Variants in LRP4 observed in about 807,000 individuals in gnomAD.
The protein encoded by LRP4 is low-density lipoprotein receptor-related protein 4.
A neutral mutation model predicts 220.3 loss-of-function variants in LRP4; 95 were observed. The ratio of observed to expected loss-of-function variants is 0.43; its 90% CI spans 0.37 to 0.51. The LOEUF is 0.51. Among genes scored for constraint, LRP4 ranks in the 20% least tolerant of loss-of-function variants. The pLI is 0.00. For synonymous variants in LRP4, 903 were observed against 954.6 expected, an observed-to-expected ratio of 0.95 and a Z score of 1.00; for missense variants, 1,925 against 2,567.0, an observed-to-expected ratio of 0.75 and a Z score of 5.40.
chr11:46,869,146 G>C lies in LRP4; in HGVS notation c.4693-14C>G, dbSNP rs1414446826. On this transcript the variant is annotated splice_polypyrimidine_tract_variant and intron_variant, in intron 31 of 37. Transcript: ENST00000378623. ...CCACCTGTCTTGCTACTCAACAGGG[G>C]AAGCCCAAAAACAGTAAATATTATT... 1 of 1,613,234 alleles carries C rather than the reference G, an allele frequency of 6.2e-7. No individual in the cohort carries two copies. Among genetic ancestry groups the C allele is most frequent in the Admixed American group, 1.7e-5 (1 of 59,826 alleles).
chr11:46,878,842 G>A, intron 22 of LRP4, 65 bp downstream of exon 22: 1 of 1,607,848 alleles, frequency 6.2e-7, no homozygotes, highest in Non-Finnish European at 8.5e-7. Context: ...CATCTGCAAG[G>A]AAGGAAGAGA....
intron 30 of LRP4, among the ~76,000 whole-genome samples, 171 bp from the exon 31 acceptor site, chr11:46,871,804 G>T (rs1428863038): frequency 1.3e-5 from 2 of 152,146 alleles, no homozygotes; most frequent in African/African-American, 2.4e-5. Flanking sequence ...GAAGGGAGCT[G>T]GTGGTTCATG....
intron 22 of LRP4, among the ~76,000 whole-genome samples, chr11:46,878,480 G>A (rs1025855733): frequency 6.6e-6 from 1 of 151,898 alleles, no homozygotes; most frequent in Non-Finnish European, 1.5e-5. Flanking sequence ...CACCATGTTG[G>A]CCAGGTTGGT....
At chr11:46,876,009 G>T (rs1269632669) in intron 25 of LRP4, 43 bp from the exon 26 acceptor site, 1 of 1,582,086 alleles carries the variant, frequency 6.3e-7, no homozygotes, top group South Asian at 1.1e-5. Flanking sequence ...AGTTATTCCA[G>T]CAGCTACCAC....
Position 46,889,750 on chromosome 11 carries a change from A to C in LRP4, c.2092+194T>G, listed in dbSNP as rs1941380096. ...GAATTAGATGGGAACGGTGAAGTCTAATGAATCTTTTCGTGAATCTTGTTG... is the reference window on the plus strand; with the variant it reads ...GAATTAGATGGGAACGGTGAAGTCTCATGAATCTTTTCGTGAATCTTGTTG... On this transcript the variant is annotated intron_variant, in intron 15 of 37. Coordinates refer to ENST00000378623, the MANE Select transcript of LRP4 (RefSeq NM_002334.4). The C allele has an allele frequency of 3.6e-6, 3 of 838,522 alleles. No homozygotes were observed. In the Admixed American group the frequency reaches 6.3e-5, roughly 18 times the overall value. The allele number at this position is 838,522 out of a possible 1,614,324, so 51.9% of individuals were successfully genotyped here. A position where few individuals can be genotyped will look rare whatever the true frequency, so the allele number is the denominator to read the frequency against.
intron 1 of LRP4, 92 bp from the exon 2 acceptor site, chr11:46,903,021 C>A: frequency 6.8e-7 from 1 of 1,464,600 alleles, no homozygotes; most frequent in Non-Finnish European, 9.5e-7. Context: ...AGTCCAGGGG[C>A]ACTGTCACCT....
chr11:46,878,881 T>C, intron 22 of LRP4, 26 bp downstream of exon 22: 1 of 1,613,764 alleles, frequency 6.2e-7, no homozygotes, highest in Non-Finnish European at 8.5e-7. Context: ...AGAGGCTGCA[T>C]CTAGATCTGT....
intron 11 of LRP4, 87 bp from the exon 12 acceptor site, chr11:46,894,906 G>A: frequency 8.3e-7 from 1 of 1,210,250 alleles, no homozygotes; most frequent in South Asian, 1.2e-5. Context: ...GACCGATGGA[G>A]CCACTTGCTC....
chr11:46,873,242 A>G lies in LRP4; in HGVS notation c.4449-8T>C. On this transcript the variant is annotated splice_polypyrimidine_tract_variant and splice_region_variant and intron_variant, in intron 29 of 37. Coordinates refer to ENST00000378623, the MANE Select transcript of LRP4 (RefSeq NM_002334.4). The surrounding 1 kb of genome is among the most constrained non-coding windows in gnomAD (Gnocchi z 4.2). ...TCTGTCCAGAAGAGGTACCTGAGAC[A>G]CAACAGTGCCATCATCATCAAGGCA... is the stretch of plus-strand genomic sequence containing the variant. 6.2e-7 allele frequency: 1 copy of G among 1,614,204 alleles called. No individual in the cohort carries two copies. The highest frequency in any genetic ancestry group is 8.5e-7 in the Non-Finnish European group (1 of 1,180,038).
intron 18 of LRP4, among the ~76,000 whole-genome samples, chr11:46,884,507 C>T (rs973745146): frequency 2.6e-5 from 4 of 151,816 alleles, no homozygotes; most frequent in East Asian, 1.9e-4. Flanking sequence ...GAGGCCGAGG[C>T]GGGTGGATCA....
rs138884372 is a variant in LRP4, at chr11:46,892,648, T to C, written c.1697+325A>G. Among the ~76,000 whole-genome samples, 1,251 of 151,542 alleles carry C rather than the reference T, an allele frequency of 8.3e-3. 10 individuals carry two copies. Among genetic ancestry groups the C allele is most frequent in the African/African-American group, 0.029 (1,209 of 41,240 alleles). ...GTGCAGTGGCGCAATCTCAGCTCAC[T>C]GTAACCTGTGCCTCCTGGGTTCAAA... On this transcript the variant is annotated intron_variant, in intron 13 of 37. Transcript: ENST00000378623.
chr11:46,890,541 A>G lies in LRP4; in HGVS notation c.1698-47T>C. On this transcript the variant is annotated intron_variant, in intron 13 of 37. Coordinates refer to ENST00000378623, the MANE Select transcript of LRP4 (RefSeq NM_002334.4). The surrounding 1 kb of genome is among the most constrained non-coding windows in gnomAD (Gnocchi z 5.3). ...GGGAAGTGGGCAGCAGAAAACAGGT[A>G]GGTAACCAGGAGAATAATCAGGTAG... 1 of 1,327,804 alleles carries G rather than the reference A, an allele frequency of 7.5e-7. No individual in the cohort carries two copies. The highest frequency in any genetic ancestry group is 1.2e-5 in the South Asian group (1 of 84,066). 82.3% of individuals were successfully genotyped at this position (1,327,804 alleles called of 1,614,324 possible). A position where few individuals can be genotyped will look rare whatever the true frequency, so the allele number is the denominator to read the frequency against.
chr11:46,864,363 C>T (rs1940637465), intron 36 of LRP4, 85 bp downstream of exon 36: 2 of 1,051,794 alleles, frequency 1.9e-6, no homozygotes, highest in Non-Finnish European at 3.0e-6. Context: ...GAGCTTGATT[C>T]AGTGAACTGC....
chr11:46,869,160 G>T, intron 31 of LRP4, 28 bp from the exon 32 acceptor site: 1 of 1,610,014 alleles, frequency 6.2e-7, no homozygotes, highest in African/African-American at 1.3e-5. Flanking sequence ...CCCAAAAACA[G>T]TAAATATTAT....
At position 46,865,099 on chromosome 11, in the gene LRP4, G is replaced by C. The variant is rs1350001611; in HGVS notation, c.5155+20C>G. Reference sequence around the variant, plus strand: ...TCATTACATCTTCTTTTCCGGAACAGTGGGGTACTCAGGGCTTACCTGGAG... The same window carrying C: ...TCATTACATCTTCTTTTCCGGAACACTGGGGTACTCAGGGCTTACCTGGAG... On this transcript the variant is annotated intron_variant, in intron 35 of 37. Coordinates refer to ENST00000378623, the MANE Select transcript of LRP4 (RefSeq NM_002334.4). 1.9e-6 allele frequency: 3 copies of C among 1,554,940 alleles called. No homozygotes were observed. Among genetic ancestry groups the C allele is most frequent in the East Asian group, 2.4e-5 (1 of 41,612 alleles).
At chr11:46,872,269 A>C (rs993813166) in intron 30 of LRP4, among the ~76,000 whole-genome samples, 2 of 151,420 alleles carry the variant, frequency 1.3e-5, no homozygotes, top group African/African-American at 4.9e-5. Context: ...AACAACAACA[A>C]AAAAGGAAGT....
chr11:46,910,235 A>G (rs1169433319), intron 1 of LRP4, among the ~76,000 whole-genome samples: 1 of 152,218 alleles, frequency 6.6e-6, no homozygotes, highest in Non-Finnish European at 1.5e-5. Flanking sequence ...CGGAGGAACA[A>G]AACTCCCCAG....
chr11:46,862,806 A>G, intron 36 of LRP4, 59 bp from the exon 37 acceptor site: 1 of 1,520,362 alleles, frequency 6.6e-7, no homozygotes, highest in Non-Finnish European at 9.1e-7. Flanking sequence ...GATACCTGGG[A>G]AAGCTGTAAA....
In LRP4 at chr11:46,911,498, C is replaced by G. The variant is rs140863102; in HGVS notation, c.52+6830G>C. Among the ~76,000 whole-genome samples, 1,162 of 151,590 alleles carry G rather than the reference C, an allele frequency of 7.7e-3. 14 individuals are homozygous for G. Among genetic ancestry groups the G allele is most frequent in the Middle Eastern group, 0.014 (4 of 292 alleles). ...TTTCTGGAAACCTTTTAAAGTCTCT[C>G]TCTTCTCCTGAGCCCATGAGTTCGA... On this transcript the variant is annotated intron_variant, in intron 1 of 37. Transcript: ENST00000378623.
Sources: gnomAD v4.1 joint callset for allele counts (sites outside exome capture counted in the v4.1 genomes callset) on GRCh38, gnomAD v4.1.1 for gene constraint, Gnocchi (gnomAD v3.1) non-coding constraint, MANE v1.5 for transcripts, NCBI Gene and HGNC (gene_info 2026-07-23, HGNC 2026-07-21) for gene names.